Variants in MEGF11 observed in about 807,000 individuals in gnomAD.
MEGF11 encodes the protein multiple epidermal growth factor-like domains protein 11.
A neutral mutation model predicts 146.6 loss-of-function variants in MEGF11; 126 were observed. The ratio of observed to expected loss-of-function variants is 0.86; its 90% CI spans 0.74 to 1.00. The LOEUF is 1.00. Ranked by LOEUF, MEGF11 falls within the 50% of genes least tolerant of loss-of-function variation. MEGF11 has a pLI of 0.00. For synonymous variants in MEGF11, 532 were observed against 583.4 expected (o/e 0.91, Z 1.27); for missense variants, 1,509 against 1,521.2 (o/e 0.99, Z 0.13).
chr15:66,120,902 A>G (rs149675303), intron 3 of MEGF11, among the ~76,000 whole-genome samples: 12 of 152,152 alleles, frequency 7.9e-5, no homozygotes, highest in Non-Finnish European at 1.5e-4. Flanking sequence ...TTGCCACCCA[A>G]TTGTTTCTAG....
chr15:66,211,456 G>A (rs2091449190), intron 1 of MEGF11, among the ~76,000 whole-genome samples: 1 of 151,852 alleles, frequency 6.6e-6, no homozygotes, highest in Non-Finnish European at 1.5e-5. Flanking sequence ...CCCGGGAGGG[G>A]GAGCTTGCAG....
chr15:66,245,944 G>A (rs1252200958), intron 1 of MEGF11, among the ~76,000 whole-genome samples: 1 of 151,880 alleles, frequency 6.6e-6, no homozygotes, highest in Non-Finnish European at 1.5e-5. Flanking sequence ...AGAAGGGAGA[G>A]AACATATACA....
At chr15:66,159,746 G>T (rs1386907286) in intron 1 of MEGF11, among the ~76,000 whole-genome samples, 2 of 152,144 alleles carry the variant, frequency 1.3e-5, no homozygotes, top group East Asian at 1.9e-4. Context: ...ACCTTTTGGG[G>T]AAGGGGGATG....
intron 1 of MEGF11, among the ~76,000 whole-genome samples, chr15:66,173,760 T>G (rs566768843): frequency 2.6e-4 from 40 of 152,130 alleles, no homozygotes; most frequent in Non-Finnish European, 3.5e-4. Flanking sequence ...TGCGAGCTGT[T>G]CACGAAGGGT....
At chr15:66,075,311 C>T (rs73483447) in intron 5 of MEGF11, among the ~76,000 whole-genome samples, 1 of 152,182 alleles carries the variant, frequency 6.6e-6, no homozygotes. Flanking sequence ...ACAGCAAGGG[C>T]TCTATGGAGA....
At chr15:66,181,799 A>T (rs188095753) in intron 1 of MEGF11, among the ~76,000 whole-genome samples, 255 of 152,306 alleles carry the variant, frequency 1.7e-3, no homozygotes, top group African/African-American at 6.0e-3. Context: ...GCCGCTTATC[A>T]GCCCTGGTAA....
chr15:66,040,245 AAG>A (rs142080198), intron 5 of MEGF11: 1 of 155,000 alleles, frequency 6.5e-6, no homozygotes, highest in African/African-American at 2.4e-5. Context: ...AGAGAGGGGA[AAG>A]AGAGCTGAGT....
chr15:65,915,647 C>G (rs374348098), intron 18 of MEGF11, 49 bp from the exon 19 acceptor site: 2 of 1,596,672 alleles, frequency 1.3e-6, no homozygotes, highest in African/African-American at 1.3e-5. Context: ...CTCTCCACCC[C>G]TCCCCTTCCA....
At chr15:66,143,772 T>A (rs2089262933) in intron 1 of MEGF11, among the ~76,000 whole-genome samples, 1 of 152,146 alleles carries the variant, frequency 6.6e-6, no homozygotes, top group South Asian at 2.1e-4. Context: ...CTCAGGGGAC[T>A]TTGGCAGAGA....
intron 1 of MEGF11, among the ~76,000 whole-genome samples, chr15:66,132,247 C>CCT (rs35358888): frequency 0.052 from 7,983 of 152,312 alleles, 315 homozygotes; most frequent in East Asian, 0.23. Context: ...GCAGCACACA[C>CCT]CTGTCCAGAC....
chr15:66,058,396 C>G (rs534477739), intron 5 of MEGF11, among the ~76,000 whole-genome samples: 1 of 152,244 alleles, frequency 6.6e-6, no homozygotes, highest in African/African-American at 2.4e-5. Flanking sequence ...CTTTCCACCC[C>G]CAGAACTAAT....
At chr15:66,191,096 A>C (rs1318033380) in intron 1 of MEGF11, among the ~76,000 whole-genome samples, 1 of 152,140 alleles carries the variant, frequency 6.6e-6, no homozygotes, top group East Asian at 1.9e-4. Flanking sequence ...ATCAGGCCAG[A>C]CTTAAGATGG....
intron 24 of MEGF11, among the ~76,000 whole-genome samples, chr15:65,902,962 C>A (rs1317463941): frequency 2.6e-5 from 4 of 152,204 alleles, no homozygotes; most frequent in Non-Finnish European, 5.9e-5. Context: ...TAAGGCCCAA[C>A]TTAACTGTCA....
intron 10 of MEGF11, among the ~76,000 whole-genome samples, chr15:65,952,643 G>A (rs1380442505): frequency 6.6e-6 from 1 of 152,162 alleles, no homozygotes; most frequent in Non-Finnish European, 1.5e-5. Flanking sequence ...GGCTGTCCAA[G>A]GTGCTGAAAC....
chr15:66,082,501 C>A (rs1413570386), intron 5 of MEGF11, among the ~76,000 whole-genome samples: 5 of 119,392 alleles, frequency 4.2e-5, no homozygotes, highest in South Asian at 3.2e-4. Context: ...ATCTATCTAT[C>A]TATCTATCTA....
At chr15:65,985,711 T>C (rs912272875) in intron 5 of MEGF11, among the ~76,000 whole-genome samples, 1 of 151,958 alleles carries the variant, frequency 6.6e-6, no homozygotes, top group Non-Finnish European at 1.5e-5. Flanking sequence ...TTCAAAAACA[T>C]TTACCAAGGA....
intron 1 of MEGF11, among the ~76,000 whole-genome samples, chr15:66,167,863 C>T (rs989724403): frequency 2.0e-5 from 3 of 152,060 alleles, no homozygotes; most frequent in Non-Finnish European, 2.9e-5. Flanking sequence ...TTTGTGAGGC[C>T]GGGGGGAAGG....
rs1011174406 is a variant in MEGF11, at chr15:66,130,811, C to A, written c.-8-2400G>T. On this transcript the variant is annotated intron_variant, in intron 1 of 25. Coordinates refer to ENST00000395614, the MANE Select transcript of MEGF11 (RefSeq NM_001385028.1). Reference sequence around the variant, plus strand: ...CAGGCGCAGTGAAGAAAGAAGCCATCACCACATGGGGGCAACTCATCCCCA... The same window carrying A: ...CAGGCGCAGTGAAGAAAGAAGCCATAACCACATGGGGGCAACTCATCCCCA... Among the ~76,000 whole-genome samples, 19 of 152,010 alleles carry A rather than the reference C, an allele frequency of 1.2e-4. 1 individual carries two copies. The highest frequency in any genetic ancestry group is 4.6e-4 in the African/African-American group (19 of 41,356).
intron 5 of MEGF11, among the ~76,000 whole-genome samples, chr15:65,984,525 CAAAAAAAAAAAA>C (rs35017296): frequency 4.0e-5 from 2 of 49,518 alleles, no homozygotes; most frequent in African/African-American, 8.8e-5. Context: ...GACTCCGTGT[CAAAAAAAAAAAA>C]AAAAAAAAAA....
Sources: gnomAD v4.1 joint callset for allele counts (sites outside exome capture counted in the v4.1 genomes callset) on GRCh38, gnomAD v4.1.1 for gene constraint, MANE v1.5 for transcripts, NCBI Gene and HGNC (gene_info 2026-07-23, HGNC 2026-07-21) for gene names.